The following CUBN variants were observed in gnomAD, a reference collection of about 807,000 sequenced individuals.
CUBN encodes the protein cubilin, also known as 460 kDa receptor.
Under a neutral mutation model 405.3 loss-of-function variants are expected in CUBN, and 282 were observed. The observed-to-expected ratio is 0.70, with a 90% CI of 0.63 to 0.77. CUBN has a LOEUF of 0.77. CUBN is among the 30% of genes least tolerant of loss of function. The pLI is 0.00. For synonymous variants in CUBN, 1,684 were observed against 1,617.0 expected (o/e 1.04, Z -0.99); for missense variants, 4,514 against 4,475.2 (o/e 1.01, Z -0.25).
intron 28 of CUBN, among the ~76,000 whole-genome samples, chr10:17,010,923 A>C (rs894072139): frequency 6.6e-6 from 1 of 152,228 alleles, no homozygotes; most frequent in Non-Finnish European, 1.5e-5. Context: ...TGACATTCCT[A>C]TAATGAGTGC....
chr10:17,129,090 A>C (rs1220774796), intron 2 of CUBN, 31 bp downstream of exon 2: 2 of 1,578,144 alleles, frequency 1.3e-6, no homozygotes, highest in Non-Finnish European at 1.7e-6. Flanking sequence ...TGGATATACA[A>C]AATGACTTCA....
chr10:16,915,631 C>T (rs544721379), intron 46 of CUBN, among the ~76,000 whole-genome samples, 190 bp downstream of exon 46: 7 of 152,276 alleles, frequency 4.6e-5, no homozygotes, highest in African/African-American at 1.7e-4. Context: ...GACACCTGGG[C>T]TCTGGGCATC....
At chr10:17,104,716 T>C (rs1836580737) in intron 11 of CUBN, 111 bp from the exon 12 acceptor site, 2 of 263,736 alleles carry the variant, frequency 7.6e-6, no homozygotes, top group Non-Finnish European at 1.4e-5. Context: ...TATATAATAA[T>C]TATATAATTA....
At chr10:17,064,574 G>A (rs569763460) in intron 22 of CUBN, among the ~76,000 whole-genome samples, 1 of 152,134 alleles carries the variant, frequency 6.6e-6, no homozygotes, top group Non-Finnish European at 1.5e-5. Flanking sequence ...CCTACTATGG[G>A]TCTATGCTGG....
At chr10:16,873,671 G>A (rs545216859) in intron 58 of CUBN, among the ~76,000 whole-genome samples, 82 of 147,920 alleles carry the variant, frequency 5.5e-4, no homozygotes, top group African/African-American at 1.8e-3. Context: ...GCAGTGAGCC[G>A]AGATTGTGCC....
chr10:16,971,831 C>A (rs2131672390), intron 31 of CUBN, among the ~76,000 whole-genome samples: 1 of 152,148 alleles, frequency 6.6e-6, no homozygotes, highest in Non-Finnish European at 1.5e-5. Flanking sequence ...CAACTCTCCA[C>A]TGATTTTGGT....
chr10:17,111,223 C>A (rs1404616372), intron 8 of CUBN, among the ~76,000 whole-genome samples, 173 bp from the exon 9 acceptor site: 2 of 152,148 alleles, frequency 1.3e-5, no homozygotes, highest in Non-Finnish European at 2.9e-5. Context: ...CAAATTCTGA[C>A]AACAAAGTGG....
intron 10 of CUBN, 34 bp downstream of exon 10, chr10:17,109,606 A>G (rs780386169): frequency 1.9e-6 from 3 of 1,542,818 alleles, no homozygotes; most frequent in Non-Finnish European, 2.7e-6. Flanking sequence ...TCATATTACA[A>G]TACCCAAAGC....
At chr10:17,068,875 G>A in intron 19 of CUBN, 105 bp from the exon 20 acceptor site, 1 of 950,368 alleles carries the variant, frequency 1.1e-6, no homozygotes, top group Non-Finnish European at 1.6e-6. Context: ...AAATCAATTT[G>A]AGAATACAAT....
intron 31 of CUBN, among the ~76,000 whole-genome samples, chr10:16,980,690 G>A (rs544917678): frequency 2.0e-5 from 3 of 152,146 alleles, no homozygotes; most frequent in South Asian, 2.1e-4. Context: ...GGTGCCTGTC[G>A]AGGGGTGGGG....
At chr10:16,947,099 G>A in intron 36 of CUBN, 136 bp downstream of exon 36, 2 of 894,790 alleles carry the variant, frequency 2.2e-6, no homozygotes. Flanking sequence ...CTCAAACTAT[G>A]ACTGAAACAG....
At chr10:16,898,066 G>GTATATA (rs10551726) in intron 54 of CUBN, among the ~76,000 whole-genome samples, 2,024 of 145,006 alleles carry the variant, frequency 0.014, 57 homozygotes, top group African/African-American at 0.049. Context: ...TTTATTATAT[G>GTATATA]TATATATATA....
intron 28 of CUBN, among the ~76,000 whole-genome samples, chr10:17,019,131 C>T (rs1834425074): frequency 6.6e-6 from 1 of 152,324 alleles, no homozygotes; most frequent in East Asian, 1.9e-4. Flanking sequence ...CTAGGGACCA[C>T]ATTTTGGGAA....
At chr10:17,097,352 AAAG>A (rs1380317121) in intron 14 of CUBN, among the ~76,000 whole-genome samples, 4 of 152,116 alleles carry the variant, frequency 2.6e-5, no homozygotes, top group African/African-American at 9.6e-5. Context: ...AAAACTGAAA[AAAG>A]AAGAAATGTA....
chr10:17,067,261 G>C (rs1835630140), intron 21 of CUBN, among the ~76,000 whole-genome samples: 3 of 152,024 alleles, frequency 2.0e-5, no homozygotes, highest in Admixed American at 2.0e-4. Flanking sequence ...ATATCTCACA[G>C]ATTTTTTAAG....
chr10:16,847,992 T>C (rs1292165188), intron 60 of CUBN, among the ~76,000 whole-genome samples: 5 of 152,356 alleles, frequency 3.3e-5, no homozygotes, highest in East Asian at 3.9e-4. Flanking sequence ...TATTCTTTGA[T>C]CTGCCAGTTT....
chr10:16,923,576 T>G (rs577418185), intron 43 of CUBN, among the ~76,000 whole-genome samples: 4 of 152,216 alleles, frequency 2.6e-5, no homozygotes, highest in African/African-American at 7.2e-5. Flanking sequence ...GGTTGTGAAA[T>G]CAAAAGACTT....
At chr10:17,024,992 A>G (rs1227969422) in intron 27 of CUBN, among the ~76,000 whole-genome samples, 1 of 152,218 alleles carries the variant, frequency 6.6e-6, no homozygotes, top group Non-Finnish European at 1.5e-5. Flanking sequence ...ATGTAGAAAA[A>G]GCAACTCAAG....
At chr10:17,025,532 AG>A (rs765908357) in intron 27 of CUBN, among the ~76,000 whole-genome samples, 2 of 152,326 alleles carry the variant, frequency 1.3e-5, no homozygotes, top group South Asian at 4.1e-4. Context: ...ACCACGTAAA[AG>A]GTTTGCTATG....
Sources: allele counts gnomAD v4.1 joint callset (sites outside exome capture counted in the v4.1 genomes callset), GRCh38; gene constraint gnomAD v4.1.1; transcripts MANE v1.5; gene names NCBI Gene and HGNC (gene_info 2026-07-23, HGNC 2026-07-21).